The following PARP9 variants were observed in gnomAD, a reference collection of about 807,000 sequenced individuals.
PARP9 encodes poly(ADP-ribose) polymerase family member 9, also known as protein mono-ADP-ribosyltransferase PARP9.
In PARP9, 48 loss-of-function variants were observed where a neutral mutation model predicts 68.8. The observed-to-expected ratio is 0.70, with a 90% CI of 0.55 to 0.89. PARP9 has a LOEUF of 0.89. Among genes scored for constraint, PARP9 ranks in the 40% least tolerant of loss-of-function variants. The probability of loss-of-function intolerance (pLI) is 0.00; values close to 1 mark genes in which losing one functional copy is unlikely to be tolerated. For missense variants in PARP9, 806 were observed against 969.3 expected (o/e 0.83, Z 2.24); for synonymous variants, 309 against 333.8 (o/e 0.93, Z 0.81).
At chr3:122,535,783 T>C in intron 10 of PARP9, 3 of 1,018,546 alleles carry the variant, frequency 2.9e-6, no homozygotes, top group Non-Finnish European at 3.5e-6. Context: ...AATGCCCTTT[T>C]AATTAAGGGA....
chr3:122,540,992 G>A (rs1294772001), intron 7 of PARP9, 140 bp from the exon 8 acceptor site: 3 of 897,824 alleles, frequency 3.3e-6, no homozygotes, highest in South Asian at 3.5e-5. Flanking sequence ...CCGGGTTCAC[G>A]CCATTCTCCT....
intron 10 of PARP9, among the ~76,000 whole-genome samples, chr3:122,531,117 C>T (rs2077276831): frequency 6.6e-6 from 1 of 152,076 alleles, no homozygotes; most frequent in Non-Finnish European, 1.5e-5. Context: ...GTATTTTATA[C>T]TTACAGCATC....
chr3:122,563,105 T>G (rs1296100277), intron 1 of PARP9, among the ~76,000 whole-genome samples: 3 of 152,220 alleles, frequency 2.0e-5, no homozygotes, highest in African/African-American at 7.2e-5. Context: ...CACTCATCCC[T>G]GCTTGTAAAT....
Position 122,550,794 on chromosome 3 carries a change from T to A in PARP9, c.1116A>T (p.Lys372Asn). 6.2e-7 allele frequency: 1 copy of A among 1,613,106 alleles called. No homozygotes were observed. The highest frequency in any genetic ancestry group is 1.3e-5 in the African/African-American group (1 of 75,026). The change falls in exon 6 of 11, where the codon AAA (lysine) becomes AAT (asparagine). Residue 372 changes from lysine to asparagine, a missense_variant. By Grantham distance (94) the Lys-to-Asn change is moderately conservative (BLOSUM62 0). Transcript: ENST00000682323. ...TTTCCAAACACTCCTTCATTGCATG[T>A]TTTAATATCTGCAGGAAAACACAAA... ...HSEFPKPQIL[K>N]HAMKECLEKC...
intron 8 of PARP9, among the ~76,000 whole-genome samples, chr3:122,539,571 T>TTTCTTTCTTTCTTTC (rs2078017250): frequency 1.1e-5 from 1 of 90,546 alleles, no homozygotes; most frequent in African/African-American, 4.4e-5. Flanking sequence ...TTCTTTCTTT[T>TTTCTTTCTTTCTTTC]TTTTTTGAGA....
intron 3 of PARP9, among the ~76,000 whole-genome samples, chr3:122,556,732 TAACTC>T (rs2079709962): frequency 6.6e-6 from 1 of 152,032 alleles, no homozygotes; most frequent in Non-Finnish European, 1.5e-5. Flanking sequence ...AGATGGAACT[TAACTC>T]TACTGGGAAA....
rs1450314467 is a variant in PARP9, at chr3:122,552,526, C to T, written c.999G>A (p.Lys333=). ...ACTGGGACCGTTGAAACTGTTTAGC[C>T]TTTGTGGCAAGAAATTCCGATTTCA... is the stretch of plus-strand genomic sequence containing the variant. ...VEMKSEFLAT[K]AKQFQRSQLV... The change falls in exon 5 of 11, where the codon AAG becomes AAA. Residue 333 remains lysine (K), a synonymous_variant. Transcript: ENST00000682323. 1.2e-6 allele frequency: 2 copies of T among 1,613,944 alleles called. No individual in the cohort carries two copies. The highest frequency in any genetic ancestry group is 2.7e-5 in the African/African-American group (2 of 74,896).
intron 3 of PARP9, 43 bp from the exon 4 acceptor site, chr3:122,556,164 A>AAAAAAAAAAAAAAAAAAC (rs2079639366): frequency 2.0e-6 from 2 of 1,023,806 alleles, no homozygotes; most frequent in Non-Finnish European, 2.7e-6. Flanking sequence ...AAAAAAAAAA[A>AAAAAAAAAAAAAAAAAAC]AAAAAAAAAG....
Position 122,550,591 on chromosome 3 carries a change from A to G in PARP9, c.1319T>C (p.Ile440Thr), listed in dbSNP as rs2107678800. 1 of 1,605,412 alleles carries G rather than the reference A, an allele frequency of 6.2e-7. No individual in the cohort carries two copies. Among genetic ancestry groups the G allele is most frequent in the South Asian group, 1.1e-5 (1 of 90,792 alleles). The change falls in exon 6 of 11, where the codon ATA becomes ACA. Residue 440 changes from isoleucine to threonine, a missense_variant. Transcript: ENST00000682323. The part of the protein sequence containing the change: ...KFVIFPTDLE[I>T]YKAFSSEMAK... ...TCTAAGATATTAACTTACCTTATAT[A>G]TCTCCAAATCTGTTGGAAAGATCAC...
At chr3:122,537,131 T>C (rs752755343) in intron 8 of PARP9, 58 bp from the exon 9 acceptor site, 26 of 1,499,580 alleles carry the variant, frequency 1.7e-5, no homozygotes, top group Non-Finnish European at 2.3e-5. Flanking sequence ...AGAAAAGAAA[T>C]TTAATGAAAC....
At chr3:122,562,987 A>C (rs1559892524) in intron 1 of PARP9, among the ~76,000 whole-genome samples, 1 of 152,174 alleles carries the variant, frequency 6.6e-6, no homozygotes, top group Non-Finnish European at 1.5e-5. Context: ...CAAAAAGTAT[A>C]TGCAGTTGTA....
chr3:122,539,149 G>A (rs145818758), intron 8 of PARP9, among the ~76,000 whole-genome samples: 299 of 152,212 alleles, frequency 2.0e-3, no homozygotes, highest in Non-Finnish European at 3.2e-3. Flanking sequence ...TGATTTATAA[G>A]GTCTTGCATA....
At chr3:122,563,440 G>C (rs1408488975) in intron 1 of PARP9, among the ~76,000 whole-genome samples, 1 of 152,200 alleles carries the variant, frequency 6.6e-6, no homozygotes, top group African/African-American at 2.4e-5. Context: ...CATCATTACA[G>C]TTAATTTCAT....
In PARP9 at chr3:122,559,633, C is replaced by CG; in HGVS notation, c.-14dup. 1.3e-6 allele frequency: 2 copies of CG among 1,586,860 alleles called. No homozygotes were observed. The highest frequency in any genetic ancestry group is 1.2e-5 in the South Asian group (1 of 83,508). On this transcript the variant is annotated 5_prime_UTR_variant, in exon 2 of 11. Coordinates refer to ENST00000682323, the MANE Select transcript of PARP9 (RefSeq NM_001146105.2). ...TGGAAAAGTCCATCCTCCAGGTCCC[C>CG]GGGGGAGTCTTTAAATGTTTATTCC...
chr3:122,541,016 G>A (rs544598354), intron 7 of PARP9, among the ~76,000 whole-genome samples, 164 bp from the exon 8 acceptor site: 3 of 151,196 alleles, frequency 2.0e-5, no homozygotes, highest in Admixed American at 1.3e-4. Context: ...TCAGCCTCCC[G>A]AGTAGCTGGG....
At chr3:122,541,860 G>C (rs1187712763) in intron 7 of PARP9, among the ~76,000 whole-genome samples, 1 of 152,202 alleles carries the variant, frequency 6.6e-6, no homozygotes, top group Non-Finnish European at 1.5e-5. Flanking sequence ...ATGCCTCCCA[G>C]TGAGTAATAT....
rs549134106 is a variant in PARP9 at position 122,555,012 on chromosome 3, C to A, written c.885+274G>T. ...GATTATAGGCATGAGCCACCATGAC[C>A]AGCCTATTTTAAAAAAAAACTTAAA... On this transcript the variant is annotated intron_variant, in intron 4 of 10. Coordinates refer to ENST00000682323, the MANE Select transcript of PARP9 (RefSeq NM_001146105.2). 3.0e-3 allele frequency among the ~76,000 whole-genome samples: 449 copies of A among 151,958 alleles called. 2 individuals are homozygous for A. Among genetic ancestry groups the A allele is most frequent in the African/African-American group, 0.01 (418 of 41,458 alleles).
chr3:122,556,170 A>C (rs1463285057), intron 3 of PARP9, 49 bp from the exon 4 acceptor site: 1 of 1,143,286 alleles, frequency 8.7e-7, no homozygotes, highest in Non-Finnish European at 1.2e-6. Context: ...AAAAAAAAAA[A>C]AAAGCACAGT....
intron 10 of PARP9, chr3:122,534,547 T>A: frequency 3.1e-6 from 2 of 641,472 alleles, no homozygotes; most frequent in Non-Finnish European, 3.9e-6. Flanking sequence ...CACTATATAA[T>A]GAGTATGTTG....
Sources: allele counts gnomAD v4.1 joint callset (sites outside exome capture counted in the v4.1 genomes callset), GRCh38; gene constraint gnomAD v4.1.1; transcripts MANE v1.5; gene names NCBI Gene and HGNC (gene_info 2026-07-23, HGNC 2026-07-21).